Variants in KIF5C observed in about 807,000 individuals in gnomAD.
The protein encoded by KIF5C is kinesin heavy chain isoform 5C.
KIF5C carries 18 observed loss-of-function variants against 125.2 expected under a neutral mutation model. The ratio of observed to expected loss-of-function variants is 0.14; its 90% confidence interval spans 0.10 to 0.21. The LOEUF (loss-of-function observed/expected upper bound fraction) is 0.21. Among genes scored for constraint, KIF5C ranks in the 10% least tolerant of loss-of-function variants. KIF5C has a pLI of 1.00. For missense variants in KIF5C, 780 were observed against 1,183.8 expected, an observed-to-expected ratio of 0.66 and a Z score of 5.01; for synonymous variants, 405 against 434.0, an observed-to-expected ratio of 0.93 and a Z score of 0.83.
intron 15 of KIF5C, among the ~76,000 whole-genome samples, chr2:148,985,371 T>C (rs1681352348): frequency 6.6e-6 from 1 of 152,232 alleles, no homozygotes; most frequent in Non-Finnish European, 1.5e-5. Context: ...CTGAGAAATT[T>C]TGACGTATGT....
intron 12 of KIF5C, among the ~76,000 whole-genome samples, chr2:148,978,025 G>T (rs1043792450): frequency 6.6e-6 from 1 of 152,206 alleles, no homozygotes; most frequent in Admixed American, 6.5e-5. Context: ...TCTGTTTGGT[G>T]TTTAGACCCT....
In KIF5C at chr2:149,007,949, T is replaced by C; in HGVS notation, c.2446-14T>C. ...GTGACAGCCTGTCCTGCTGACCCCT[T>C]GGTGTCAATGCAGAGTGTGGAGTTG... On this transcript the variant is annotated splice_polypyrimidine_tract_variant and intron_variant, in intron 22 of 25. Coordinates refer to ENST00000435030, the MANE Select transcript of KIF5C (RefSeq NM_004522.3). 6.3e-7 allele frequency: 1 copy of C among 1,581,684 alleles called. No individual in the cohort carries two copies.
At chr2:148,895,803 C>A (rs1005431487) in intron 1 of KIF5C, among the ~76,000 whole-genome samples, 1 of 151,828 alleles carries the variant, frequency 6.6e-6, no homozygotes, top group African/African-American at 2.4e-5. Context: ...TAGATAGCCA[C>A]CTTCTCACCG....
At chr2:148,990,955 C>T (rs747436957) in intron 15 of KIF5C, 55 bp from the exon 16 acceptor site, 167 of 1,554,304 alleles carry the variant, frequency 1.1e-4, no homozygotes, top group Middle Eastern at 1.7e-4. Context: ...CCAGGGAGTC[C>T]GTGAACCTAT....
chr2:149,000,356 GT>G, intron 19 of KIF5C, 66 bp from the exon 20 acceptor site: 1 of 1,527,780 alleles, frequency 6.5e-7, no homozygotes, highest in Non-Finnish European at 8.9e-7. Flanking sequence ...CAGAACCACG[GT>G]TTTAGCCTGA....
chr2:149,006,804 G>C (rs932791305), intron 22 of KIF5C, among the ~76,000 whole-genome samples: 1 of 152,192 alleles, frequency 6.6e-6, no homozygotes, highest in East Asian at 1.9e-4. Context: ...CAGAGCAAAG[G>C]TGATGGACAG....
intron 16 of KIF5C, 113 bp downstream of exon 16, chr2:148,991,311 G>A: frequency 2.8e-6 from 4 of 1,441,984 alleles, no homozygotes; most frequent in Non-Finnish European, 2.7e-6. Flanking sequence ...ACTGCTTTGT[G>A]TAAGCTTGGC....
At chr2:148,932,298 T>C (rs911370429) in intron 3 of KIF5C, among the ~76,000 whole-genome samples, 11 of 152,204 alleles carry the variant, frequency 7.2e-5, no homozygotes, top group African/African-American at 9.7e-5. Context: ...TAAAGATGTT[T>C]TTCACTTTAA....
intron 11 of KIF5C, among the ~76,000 whole-genome samples, chr2:148,971,290 G>GTCTGTCTGTCTATCTATCTA (rs764761986): frequency 2.8e-4 from 38 of 137,324 alleles, no homozygotes; most frequent in Non-Finnish European, 5.0e-4. Context: ...CTGTCTGTCT[G>GTCTGTCTGTCTATCTATCTA]TCTATCTATC....
At chr2:148,890,398 G>T (rs1681674170) in intron 1 of KIF5C, among the ~76,000 whole-genome samples, 1 of 152,048 alleles carries the variant, frequency 6.6e-6, no homozygotes, top group South Asian at 2.1e-4. Flanking sequence ...CTGCTTGGGA[G>T]GCTGAAGCAG....
intron 1 of KIF5C, chr2:148,879,728 G>A (rs1681295204): frequency 6.6e-6 from 1 of 152,222 alleles, no homozygotes; most frequent in Non-Finnish European, 1.5e-5. Context: ...ATTAATGGAA[G>A]CTCTCTGACA....
chr2:148,879,448 A>T (rs1681285810), intron 1 of KIF5C: 1 of 151,932 alleles, frequency 6.6e-6, no homozygotes, highest in Non-Finnish European at 1.5e-5. Context: ...AAGATAGCAT[A>T]TATAATACTT....
rs115729785 is a variant in KIF5C at position 148,969,304 on chromosome 2, T to C, written c.1118-4032T>C. Reference sequence around the variant, plus strand: ...TATAATTAGAATGCTCTGTAAGCCTTATAGGTATGCTTCAGTGAATGCTCC... The same window carrying C: ...TATAATTAGAATGCTCTGTAAGCCTCATAGGTATGCTTCAGTGAATGCTCC... On this transcript the variant is annotated intron_variant, in intron 11 of 25. Transcript: ENST00000435030. Among the ~76,000 whole-genome samples, 759 of 152,310 alleles carry C rather than the reference T, an allele frequency of 5.0e-3. 6 individuals carry two copies. The highest frequency in any genetic ancestry group is 0.017 in the African/African-American group (720 of 41,562).
chr2:148,992,669 G>T (rs886845254), intron 16 of KIF5C, among the ~76,000 whole-genome samples: 17 of 152,206 alleles, frequency 1.1e-4, no homozygotes, highest in African/African-American at 3.6e-4. Context: ...GATTTATATT[G>T]TGCTTTGCAT....
intron 11 of KIF5C, among the ~76,000 whole-genome samples, chr2:148,965,518 C>T (rs1020925919): frequency 5.3e-5 from 8 of 151,982 alleles, no homozygotes; most frequent in Admixed American, 2.6e-4. Context: ...AAGTTTCAGG[C>T]GAGAAGGAGA....
At chr2:148,890,769 GT>G (rs1283036245) in intron 1 of KIF5C, among the ~76,000 whole-genome samples, 5 of 152,152 alleles carry the variant, frequency 3.3e-5, no homozygotes, top group African/African-American at 1.2e-4. Flanking sequence ...CCCTTTTCAG[GT>G]TCCCATGAGG....
At chr2:149,020,671 C>T (rs1006510780) in intron 25 of KIF5C, among the ~76,000 whole-genome samples, 2 of 152,118 alleles carry the variant, frequency 1.3e-5, no homozygotes, top group African/African-American at 4.8e-5. Flanking sequence ...GCACGCAGAA[C>T]GGCCATCTCA....
At chr2:148,931,594 C>T (rs145461963) in intron 3 of KIF5C, among the ~76,000 whole-genome samples, 8 of 152,188 alleles carry the variant, frequency 5.3e-5, no homozygotes, top group African/African-American at 9.6e-5. Context: ...ACTGTGGAGG[C>T]GAAGGTTGCA....
At chr2:148,957,827 C>A (rs1026225836) in intron 10 of KIF5C, among the ~76,000 whole-genome samples, 15 of 152,036 alleles carry the variant, frequency 9.9e-5, no homozygotes, top group African/African-American at 3.6e-4. Context: ...GTGACCACCA[C>A]CCAGGATCTT....
Sources: gnomAD v4.1 joint callset for allele counts (sites outside exome capture counted in the v4.1 genomes callset) on GRCh38, gnomAD v4.1.1 for gene constraint, MANE v1.5 for transcripts, NCBI Gene and HGNC (gene_info 2026-07-23, HGNC 2026-07-21) for gene names.